The following FAM133A variants were observed in gnomAD, a reference collection of about 807,000 sequenced individuals.
The protein encoded by FAM133A is family with sequence similarity 133 member A, also known as protein FAM133A.
For synonymous variants in FAM133A, 65 were observed against 58.6 expected (o/e 1.11, Z -0.50); for missense variants, 159 against 164.4 (o/e 0.97, Z 0.18).
chrX:93,677,485 G>T (rs1040716914), intron 2 of FAM133A, among the ~76,000 whole-genome samples: 1 of 111,175 alleles, frequency 9.0e-6, no homozygotes, highest in African/African-American at 3.3e-5. Context: ...TTTATTGATG[G>T]ATAATAGGCA....
In FAM133A at chrX:93,708,548, C is replaced by T. The variant is rs370629965; in HGVS notation, c.-103-769C>T. 9.9e-5 allele frequency among the ~76,000 whole-genome samples: 11 copies of T among 111,536 alleles called. No individual in the cohort carries two copies. The East Asian group carries it at 2.5e-3, about 26-fold the overall frequency. ...AATCCTGGATATGCCATTTATTAGCCATGTTACTTCATGTTCAAATTTTGA... is the reference window on the plus strand; with the variant it reads ...AATCCTGGATATGCCATTTATTAGCTATGTTACTTCATGTTCAAATTTTGA... On this transcript the variant is annotated intron_variant, in intron 3 of 3. Coordinates refer to ENST00000683942, the MANE Select transcript of FAM133A (RefSeq NM_001171109.2).
intron 2 of FAM133A, among the ~76,000 whole-genome samples, chrX:93,696,535 A>G (rs1284662469): frequency 3.6e-5 from 4 of 112,112 alleles, no homozygotes; most frequent in African/African-American, 1.3e-4. Flanking sequence ...AGCTTCTTCA[A>G]GAAATGAGCA....
intron 2 of FAM133A, among the ~76,000 whole-genome samples, chrX:93,693,403 A>G (rs1024182344): frequency 9.0e-6 from 1 of 111,232 alleles, no homozygotes; most frequent in African/African-American, 3.3e-5. Context: ...TTTAATTTCA[A>G]AATTTGCTTT....
At chrX:93,703,956 GAGAAGA>G (rs1926883303) in intron 3 of FAM133A, among the ~76,000 whole-genome samples, 1 of 111,758 alleles carries the variant, frequency 8.9e-6, no homozygotes, top group Non-Finnish European at 1.9e-5. Flanking sequence ...GAATATACAT[GAGAAGA>G]ACTGTTTCCA....
intron 2 of FAM133A, among the ~76,000 whole-genome samples, chrX:93,697,933 G>T (rs1020816610): frequency 1.8e-5 from 2 of 111,480 alleles, no homozygotes; most frequent in African/African-American, 6.5e-5. Flanking sequence ...TACCCCAGTC[G>T]CTCTTTCATT....
chrX:93,695,304 A>G (rs933717677), intron 2 of FAM133A, among the ~76,000 whole-genome samples: 1 of 110,279 alleles, frequency 9.1e-6, no homozygotes. Flanking sequence ...CCTAGGCAGG[A>G]GTTCAATGGC....
At chrX:93,707,597 C>G (rs1188732072) in intron 3 of FAM133A, among the ~76,000 whole-genome samples, 1 of 111,272 alleles carries the variant, frequency 9.0e-6, no homozygotes, top group Admixed American at 9.6e-5. Flanking sequence ...CCCCTGCCCT[C>G]TTGATCTTTA....
chrX:93,688,578 A>T (rs1340849249), intron 2 of FAM133A, among the ~76,000 whole-genome samples: 3 of 111,700 alleles, frequency 2.7e-5, no homozygotes, highest in Non-Finnish European at 3.8e-5. Context: ...TATGTAGTAG[A>T]TGTTCATTAA....
At chrX:93,701,924 T>A (rs188141205) in intron 3 of FAM133A, among the ~76,000 whole-genome samples, 1 of 111,380 alleles carries the variant, frequency 9.0e-6, no homozygotes, top group Non-Finnish European at 1.9e-5. Flanking sequence ...TTCAAAGAAT[T>A]TCAGAAGTAT....
rs181227721 is a variant in FAM133A, at chrX:93,684,768, T to A, written c.-193+10016T>A. Among the ~76,000 whole-genome samples the A allele has an allele frequency of 5.0e-3, 544 of 108,329 alleles. 1 individual carries two copies. The highest frequency in any genetic ancestry group is 0.019 in the African/African-American group (531 of 27,476). The allele number at this position is 108,329 out of a possible 115,157, so 94.1% of individuals were successfully genotyped here. A position where few individuals can be genotyped will look rare whatever the true frequency, so the allele number is the denominator to read the frequency against. On this transcript the variant is annotated intron_variant, in intron 2 of 3. Coordinates refer to ENST00000683942, the MANE Select transcript of FAM133A (RefSeq NM_001171109.2). ...AAACAAGCATATATTATTTTTATAA[T>A]TAAAAAAACAAACATTTAACACAAT...
chrX:93,693,443 C>T (rs1926023421), intron 2 of FAM133A, among the ~76,000 whole-genome samples: 1 of 110,987 alleles, frequency 9.0e-6, no homozygotes, highest in African/African-American at 3.3e-5. Context: ...GCCACATGGT[C>T]CTCCCTTTAT....
At chrX:93,687,682 A>G (rs184346117) in intron 2 of FAM133A, among the ~76,000 whole-genome samples, 1 of 111,150 alleles carries the variant, frequency 9.0e-6, no homozygotes, top group African/African-American at 3.3e-5. Context: ...TCTTCTAGCG[A>G]TTTTGAAATA....
intron 2 of FAM133A, among the ~76,000 whole-genome samples, chrX:93,678,173 T>C (rs1924853192): frequency 8.9e-6 from 1 of 111,752 alleles, no homozygotes; most frequent in African/African-American, 3.2e-5. Context: ...ATATCTTTTT[T>C]GGTGAAGTGA....
rs193006193 is a variant in FAM133A, at chrX:93,705,736, A to C, written c.-103-3581A>C. Among the ~76,000 whole-genome samples the C allele has an allele frequency of 8.1e-5, 9 of 110,700 alleles. No individual in the cohort carries two copies. In the East Asian group the frequency reaches 2.6e-3, roughly 32 times the overall value. ...GCTCTTGGGGGAAGAAATTCTTTCTATCTCTGAATTTAATTTCATTCCTTT... is the reference window on the plus strand; with the variant it reads ...GCTCTTGGGGGAAGAAATTCTTTCTCTCTCTGAATTTAATTTCATTCCTTT... On this transcript the variant is annotated intron_variant, in intron 3 of 3. Transcript: ENST00000683942.
rs756097094 is a variant in FAM133A at position 93,710,202 on chromosome X, T to TC, written c.*40dup. 2.1e-5 allele frequency: 24 copies of TC among 1,129,528 alleles called. No individual in the cohort carries two copies. In the South Asian group the frequency reaches 4.0e-4, roughly 19 times the overall value. 93.1% of individuals were successfully genotyped at this position (1,129,528 alleles called of 1,213,427 possible). A position where few individuals can be genotyped will look rare whatever the true frequency, so the allele number is the denominator to read the frequency against. On this transcript the variant is annotated 3_prime_UTR_variant, in exon 4 of 4. Transcript: ENST00000683942. ...AAAAGCAAGAATGAGTTTGCCGAGT[T>TC]CCCCTGTGTTAGTAGAATTATTTCT...
rs779712805 is a variant in FAM133A, at chrX:93,709,671, T to G, written c.252T>G (p.Asn84Lys). The change falls in exon 4 of 4, where the codon AAT becomes AAG. Residue 84 changes from asparagine to lysine, a missense_variant. Coordinates refer to ENST00000683942, the MANE Select transcript of FAM133A (RefSeq NM_001171109.2). ...EKSREKLLSG[N>K]ESSSKKRERK... ...GCAGAGAGAAATTATTAAGTGGAAA[T>G]GAGAGCTCATCTAAAAAAAGAGAAA... 13 of 1,188,415 alleles carry G rather than the reference T, an allele frequency of 1.1e-5. No homozygotes were observed. The South Asian group carries it at 2.5e-4, about 22-fold the overall frequency.
At chrX:93,693,649 C>T (rs1309261384) in intron 2 of FAM133A, among the ~76,000 whole-genome samples, 1 of 111,219 alleles carries the variant, frequency 9.0e-6, no homozygotes, top group African/African-American at 3.3e-5. Context: ...AAAAGATCAG[C>T]CTATGGTTTC....
intron 2 of FAM133A, among the ~76,000 whole-genome samples, chrX:93,681,034 C>T (rs971737878): frequency 9.0e-6 from 1 of 111,005 alleles, no homozygotes; most frequent in Non-Finnish European, 1.9e-5. Flanking sequence ...AACCACATCA[C>T]GGAAGAATAC....
At position 93,710,244 on chromosome X, in the gene FAM133A, A is replaced by G. The variant is rs930232631; in HGVS notation, c.*78A>G. On this transcript the variant is annotated 3_prime_UTR_variant, in exon 4 of 4. Transcript: ENST00000683942. ...ATTATTTCTGGACTTTGAGTTGCCT[A>G]TCAAATCCCACTGTGCCAGTAAGGG... 5.6e-6 allele frequency: 6 copies of G among 1,065,249 alleles called. No individual in the cohort carries two copies. The highest frequency in any genetic ancestry group is 3.9e-4 in the Middle Eastern group (1 of 2,573). 87.8% of individuals were successfully genotyped at this position (1,065,249 alleles called of 1,213,427 possible). A position where few individuals can be genotyped will look rare whatever the true frequency, so the allele number is the denominator to read the frequency against.
Sources: gnomAD v4.1 joint callset for allele counts (sites outside exome capture counted in the v4.1 genomes callset) on GRCh38, gnomAD v4.1.1 for gene constraint, MANE v1.5 for transcripts, NCBI Gene and HGNC (gene_info 2026-07-23, HGNC 2026-07-21) for gene names.